Variants in TMEM266 observed in about 807,000 individuals in gnomAD.
The protein encoded by TMEM266 is Hv1 related protein 1.
In TMEM266, 33 loss-of-function variants were observed where a neutral mutation model predicts 50.5. The observed-to-expected ratio is 0.65, with a 90% CI of 0.50 to 0.87. The LOEUF (loss-of-function observed/expected upper bound fraction) is 0.87, where lower values mean the gene tolerates loss of function less well. Ranked by LOEUF, TMEM266 falls within the 40% of genes least tolerant of loss-of-function variation. TMEM266 has a pLI of 0.00. For missense variants in TMEM266, 655 were observed against 695.1 expected (o/e 0.94, Z 0.65); for synonymous variants, 310 against 292.3 (o/e 1.06, Z -0.62).
intron 1 of TMEM266, among the ~76,000 whole-genome samples, chr15:76,120,635 C>A (rs976078594): frequency 1.3e-5 from 2 of 151,638 alleles, no homozygotes; most frequent in Non-Finnish European, 2.9e-5. Flanking sequence ...GTAGCATGCC[C>A]CTGTGGTCCC....
At chr15:76,175,734 A>G in intron 8 of TMEM266, 60 bp downstream of exon 8, 1 of 1,398,418 alleles carries the variant, frequency 7.2e-7, no homozygotes, top group African/African-American at 1.4e-5. Context: ...GGTAGTGCCT[A>G]AAGCCATGGG....
chr15:76,184,143 G>T (rs375164986), intron 8 of TMEM266, among the ~76,000 whole-genome samples: 45 of 152,332 alleles, frequency 3.0e-4, no homozygotes, highest in African/African-American at 1.0e-3. Context: ...CTTGAGGCTG[G>T]CTCATTCCAG....
intron 9 of TMEM266, among the ~76,000 whole-genome samples, chr15:76,200,615 C>G (rs1002811558): frequency 2.6e-5 from 4 of 152,298 alleles, no homozygotes; most frequent in African/African-American, 9.6e-5. Flanking sequence ...CGGGTGTGGT[C>G]TCAGGATAAA....
chr15:76,114,707 A>G (rs967764101), intron 1 of TMEM266, among the ~76,000 whole-genome samples: 1 of 152,068 alleles, frequency 6.6e-6, no homozygotes, highest in Non-Finnish European at 1.5e-5. Context: ...AATTGTGGTA[A>G]AACGTACATG....
At chr15:76,134,464 G>C (rs925220738) in intron 2 of TMEM266, among the ~76,000 whole-genome samples, 163 bp downstream of exon 2, 1 of 152,188 alleles carries the variant, frequency 6.6e-6, no homozygotes, top group Non-Finnish European at 1.5e-5. Flanking sequence ...GACAAGATTA[G>C]GAAGCGCTGA....
intron 9 of TMEM266, among the ~76,000 whole-genome samples, chr15:76,194,821 C>G (rs560153688): frequency 6.6e-6 from 1 of 152,300 alleles, no homozygotes; most frequent in South Asian, 2.1e-4. Context: ...CTCATCTTAA[C>G]TAATGACATC....
intron 1 of TMEM266, among the ~76,000 whole-genome samples, chr15:76,098,467 G>A (rs2036953148): frequency 6.6e-6 from 1 of 152,074 alleles, no homozygotes; most frequent in South Asian, 2.1e-4. Context: ...GTCCCAGAGG[G>A]GCACCTGCCA....
intron 7 of TMEM266, among the ~76,000 whole-genome samples, chr15:76,171,789 C>T (rs891028556): frequency 6.6e-6 from 1 of 152,180 alleles, no homozygotes; most frequent in Non-Finnish European, 1.5e-5. Flanking sequence ...CACTGGGCCA[C>T]TCTTGTCTGG....
At chr15:76,090,299 C>T (rs1454463625) in intron 1 of TMEM266, among the ~76,000 whole-genome samples, 1 of 151,796 alleles carries the variant, frequency 6.6e-6, no homozygotes, top group East Asian at 1.9e-4. Context: ...CAAGACCAGC[C>T]TGGCCAACAT....
At chr15:76,202,390 T>TGCTCAAG in intron 10 of TMEM266, 126 bp downstream of exon 10, 1 of 815,554 alleles carries the variant, frequency 1.2e-6, no homozygotes, top group Non-Finnish European at 1.9e-6. Context: ...CTGCAGGCAG[T>TGCTCAAG]GCTCAAGGTT....
chr15:76,200,491 A>T (rs2038729662), intron 9 of TMEM266, among the ~76,000 whole-genome samples: 1 of 152,154 alleles, frequency 6.6e-6, no homozygotes, highest in Non-Finnish European at 1.5e-5. Flanking sequence ...GGATTTTCTC[A>T]TTTACCCTGG....
chr15:76,133,232 G>A (rs111896902), intron 1 of TMEM266, among the ~76,000 whole-genome samples: 1,873 of 152,024 alleles, frequency 0.012, 39 homozygotes, highest in African/African-American at 0.043. Context: ...TTAGTAATTC[G>A]AGACCAGCCT....
intron 1 of TMEM266, among the ~76,000 whole-genome samples, chr15:76,126,913 G>A (rs1009628966): frequency 6.6e-6 from 1 of 152,084 alleles, no homozygotes; most frequent in African/African-American, 2.4e-5. Context: ...GTTGCGGGGG[G>A]CAGGTGGTGA....
chr15:76,062,921 C>A lies in TMEM266; in HGVS notation c.-97+2905C>A, dbSNP rs189255354. ...GAAAAGTTTTCCAAGCTATGAAACT[C>A]ACATGTCTGTGGTGACTGATTATAA... On this transcript the variant is annotated intron_variant, in intron 1 of 10. Transcript: ENST00000388942. Among the ~76,000 whole-genome samples the A allele has an allele frequency of 6.1e-3, 925 of 152,260 alleles. 15 individuals are homozygous for A. The highest frequency in any genetic ancestry group is 0.021 in the African/African-American group (881 of 41,554).
chr15:76,154,980 A>G (rs906322508), intron 3 of TMEM266, among the ~76,000 whole-genome samples: 2 of 152,220 alleles, frequency 1.3e-5, no homozygotes, highest in Non-Finnish European at 2.9e-5. Flanking sequence ...TGTTCGGACC[A>G]TCAGATATTT....
chr15:76,104,478 G>T (rs544531687), intron 1 of TMEM266, among the ~76,000 whole-genome samples: 1 of 152,172 alleles, frequency 6.6e-6, no homozygotes, highest in Non-Finnish European at 1.5e-5. Context: ...GATATGTCTC[G>T]AGATGTGGTG....
At chr15:76,169,389 G>A (rs2038151405) in intron 5 of TMEM266, among the ~76,000 whole-genome samples, 2 of 152,172 alleles carry the variant, frequency 1.3e-5, no homozygotes, top group Non-Finnish European at 2.9e-5. Context: ...GCAAAGACAA[G>A]GCCATGAGAG....
At chr15:76,121,208 T>G (rs1316188390) in intron 1 of TMEM266, among the ~76,000 whole-genome samples, 1 of 152,132 alleles carries the variant, frequency 6.6e-6, no homozygotes, top group African/African-American at 2.4e-5. Flanking sequence ...AAGATTAAGG[T>G]GGAAGCTGCA....
rs2037884536 is a variant in TMEM266, at chr15:76,153,976, C to T, written c.228-2628C>T. 6.6e-6 allele frequency among the ~76,000 whole-genome samples: 1 copy of T among 152,234 alleles called. No individual in the cohort carries two copies. Among genetic ancestry groups the T allele is most frequent in the Non-Finnish European group, 1.5e-5 (1 of 68,034 alleles). ...CTGGCTTCCCTGGCCAGGTCCCTCC[C>T]TCCTGCCCCTTCGGGACAGATGGCC... On this transcript the variant is annotated intron_variant, in intron 3 of 10. Coordinates refer to ENST00000388942, the MANE Select transcript of TMEM266 (RefSeq NM_152335.3). The surrounding 1 kb of genome is among the most constrained non-coding windows in gnomAD (Gnocchi z 4.2).
Sources: allele counts gnomAD v4.1 joint callset (sites outside exome capture counted in the v4.1 genomes callset), GRCh38; gene constraint gnomAD v4.1.1; non-coding constraint Gnocchi (gnomAD v3.1); transcripts MANE v1.5; gene names NCBI Gene and HGNC (gene_info 2026-07-23, HGNC 2026-07-21).